Variants in RBM47 observed in about 807,000 individuals in gnomAD.
The protein encoded by RBM47 is RNA-binding protein 47.
In RBM47, 21 loss-of-function variants were observed where a neutral mutation model predicts 47.1. That is an observed-to-expected ratio of 0.45 (90% CI 0.32 to 0.64). The LOEUF (loss-of-function observed/expected upper bound fraction) is 0.64. Among genes scored for constraint, RBM47 ranks in the 30% least tolerant of loss-of-function variants. The probability of loss-of-function intolerance (pLI) is 0.05; values close to 1 mark genes in which losing one functional copy is unlikely to be tolerated. For missense variants in RBM47, 708 were observed against 870.9 expected, an observed-to-expected ratio of 0.81 and a Z score of 2.35; for synonymous variants, 375 against 361.7, an observed-to-expected ratio of 1.04 and a Z score of -0.42.
In RBM47 at chr4:40,495,968, T is replaced by C. The variant is rs1436521961; in HGVS notation, c.-154-29269A>G. ...TGAAAAGCTCTCTTGCCTGTCGATC[T>C]CTTGTCTGTGCCTAATGTCCTGACA... On this transcript the variant is annotated intron_variant, in intron 2 of 6. Transcript: ENST00000295971. Among the ~76,000 whole-genome samples, 8 of 152,328 alleles carry C rather than the reference T, an allele frequency of 5.3e-5. No individual in the cohort carries two copies. The South Asian group carries it at 1.7e-3, about 32-fold the overall frequency.
At chr4:40,427,304 GA>G (rs1289200026) in intron 6 of RBM47, 1 of 152,220 alleles carries the variant, frequency 6.6e-6, no homozygotes, top group Non-Finnish European at 1.5e-5. Context: ...GCTGAGTTTT[GA>G]AGGATAAAGA....
intron 3 of RBM47, among the ~76,000 whole-genome samples, chr4:40,458,274 G>A (rs1269381890): frequency 1.3e-5 from 2 of 152,164 alleles, no homozygotes; most frequent in African/African-American, 4.8e-5. Context: ...GACTGACATA[G>A]TCAAACATTA....
intron 2 of RBM47, among the ~76,000 whole-genome samples, chr4:40,487,953 G>A (rs1347848348): frequency 6.6e-6 from 1 of 151,954 alleles, no homozygotes; most frequent in South Asian, 2.1e-4. Context: ...AAAACGGAAC[G>A]CACATCCTTT....
chr4:40,509,737 T>A (rs1241232602), intron 2 of RBM47, among the ~76,000 whole-genome samples: 2 of 138,076 alleles, frequency 1.4e-5, no homozygotes, highest in Non-Finnish European at 3.2e-5. Context: ...AAAAAAAAAA[T>A]TCTCCAGGCG....
chr4:40,491,177 T>C (rs186885965), intron 2 of RBM47, among the ~76,000 whole-genome samples: 73 of 152,268 alleles, frequency 4.8e-4, no homozygotes, highest in Admixed American at 7.2e-4. Context: ...CCAAAACATG[T>C]ATCTGTGGTC....
chr4:40,467,999 A>C (rs1209177282), intron 2 of RBM47, among the ~76,000 whole-genome samples: 2 of 152,102 alleles, frequency 1.3e-5, no homozygotes, highest in African/African-American at 2.4e-5. Flanking sequence ...AAAAATAATA[A>C]AGGAGGCCAG....
chr4:40,626,681 C>G (rs565395669), intron 1 of RBM47, among the ~76,000 whole-genome samples: 1 of 152,136 alleles, frequency 6.6e-6, no homozygotes, highest in African/African-American at 2.4e-5. Context: ...TTCAAGGGGA[C>G]GAGATCGCCC....
intron 3 of RBM47, among the ~76,000 whole-genome samples, chr4:40,457,505 G>A (rs998339518): frequency 2.0e-5 from 3 of 151,634 alleles, no homozygotes; most frequent in Non-Finnish European, 2.9e-5. Flanking sequence ...GTAGTGACAC[G>A]ATCTCAGCTC....
At position 40,555,436 on chromosome 4, in the gene RBM47, C is replaced by T. The variant is rs78390043; in HGVS notation, c.-239-10930G>A. ...CTTGCAGCATGTCTGAGTGTCCATT[C>T]GCTCTGCTGAAGAAATAGTGATGGG... is the stretch of plus-strand genomic sequence containing the variant. On this transcript the variant is annotated intron_variant, in intron 1 of 6. Transcript: ENST00000295971. 5.1e-3 allele frequency among the ~76,000 whole-genome samples: 774 copies of T among 152,326 alleles called. 6 individuals are homozygous for T. Among genetic ancestry groups the T allele is most frequent in the African/African-American group, 0.018 (739 of 41,558 alleles).
chr4:40,625,799 G>A (rs534486580), intron 1 of RBM47, among the ~76,000 whole-genome samples: 13 of 152,280 alleles, frequency 8.5e-5, no homozygotes, highest in African/African-American at 2.9e-4. Flanking sequence ...CTTGATTAAT[G>A]TGGCTGAGTG....
At chr4:40,570,209 G>A (rs1434986314) in intron 1 of RBM47, among the ~76,000 whole-genome samples, 3 of 151,998 alleles carry the variant, frequency 2.0e-5, no homozygotes, top group East Asian at 3.9e-4. Flanking sequence ...GATGATTCAA[G>A]CACATTACAT....
intron 1 of RBM47, among the ~76,000 whole-genome samples, chr4:40,607,730 G>T (rs1463871147): frequency 6.6e-6 from 1 of 151,740 alleles, no homozygotes; most frequent in African/African-American, 2.4e-5. Context: ...AAAAAGAAAA[G>T]AAAATATTCT....
intron 1 of RBM47, among the ~76,000 whole-genome samples, chr4:40,589,902 G>A (rs1733969132): frequency 6.6e-6 from 1 of 152,192 alleles, no homozygotes; most frequent in South Asian, 2.1e-4. Context: ...GAGACAGGCG[G>A]CGGCTTTCAT....
rs1310582103 is a variant in RBM47, at chr4:40,472,729, G to T, written c.-154-6030C>A. Among the ~76,000 whole-genome samples the T allele has an allele frequency of 2.0e-5, 3 of 151,814 alleles. No individual in the cohort carries two copies. In the East Asian group the frequency reaches 5.8e-4, roughly 29 times the overall value. On this transcript the variant is annotated intron_variant, in intron 2 of 6. Transcript: ENST00000295971. The stretch of plus-strand genomic sequence containing the variant: ...TGTAATATATATATAAACAAGTATA[G>T]AATTTAGCCCACTGGTAAGGTATCA...
At chr4:40,605,856 G>T (rs1034984097) in intron 1 of RBM47, among the ~76,000 whole-genome samples, 12 of 151,592 alleles carry the variant, frequency 7.9e-5, no homozygotes, top group Non-Finnish European at 8.8e-5. Flanking sequence ...AAAAATACGG[G>T]TTTTCCATTT....
At chr4:40,520,311 C>A (rs1401827323) in intron 2 of RBM47, among the ~76,000 whole-genome samples, 1 of 152,164 alleles carries the variant, frequency 6.6e-6, no homozygotes, top group Non-Finnish European at 1.5e-5. Context: ...CCACCTCCAG[C>A]CATGTGATTC....
chr4:40,481,583 G>C (rs868703072), intron 2 of RBM47, among the ~76,000 whole-genome samples: 1 of 144,090 alleles, frequency 6.9e-6, no homozygotes, highest in East Asian at 2.0e-4. Flanking sequence ...ACGGAGTCTC[G>C]CTCTGTTGCC....
chr4:40,471,851 C>T (rs1433350760), intron 2 of RBM47, among the ~76,000 whole-genome samples: 2 of 152,206 alleles, frequency 1.3e-5, no homozygotes, highest in Admixed American at 1.3e-4. Flanking sequence ...GTTACTTCCC[C>T]CTTACACATG....
chr4:40,514,104 C>A (rs1725284945), intron 2 of RBM47, among the ~76,000 whole-genome samples: 1 of 152,092 alleles, frequency 6.6e-6, no homozygotes, highest in Non-Finnish European at 1.5e-5. Context: ...AAAGTATTTT[C>A]ATGAAACCAG....
Sources: gnomAD v4.1 joint callset for allele counts (sites outside exome capture counted in the v4.1 genomes callset) on GRCh38, gnomAD v4.1.1 for gene constraint, MANE v1.5 for transcripts, NCBI Gene and HGNC (gene_info 2026-07-23, HGNC 2026-07-21) for gene names.